The following RETREG1 variants were observed in gnomAD, a reference collection of about 807,000 sequenced individuals.
RETREG1 encodes reticulophagy regulator 1, also known as family with sequence similarity 134 member B.
A neutral mutation model predicts 54.8 loss-of-function variants in RETREG1; 44 were observed. That is an observed-to-expected ratio of 0.80 (90% CI 0.63 to 1.03). RETREG1 has a LOEUF of 1.03. RETREG1 is among the 50% of genes least tolerant of loss of function. The pLI, the probability that RETREG1 is intolerant of heterozygous loss-of-function variation, is 0.00. For synonymous variants in RETREG1, 217 were observed against 238.5 expected (o/e 0.91, Z 0.83); for missense variants, 554 against 605.1 (o/e 0.92, Z 0.89).
chr5:16,532,864 A>C (rs7730689), intron 3 of RETREG1, among the ~76,000 whole-genome samples: 34,741 of 152,170 alleles, frequency 0.23, 4,212 homozygotes, highest in East Asian at 0.4. Flanking sequence ...CCCACAGATA[A>C]ATTGCAAATC....
In RETREG1 at chr5:16,616,651, C is replaced by T. The variant is rs2126387377; in HGVS notation, c.320+1G>A. On this transcript the variant is annotated splice_donor_variant, in intron 1 of 8. Transcript: ENST00000306320. LOFTEE classifies it high-confidence loss of function. The stretch of plus-strand genomic sequence containing the variant: ...CGCCCCCACCTTGCCCAAGCTCTCA[C>T]CAGAACAGCAGGTTGGCAGCGACGA... 6.3e-7 allele frequency: 1 copy of T among 1,593,100 alleles called. No homozygotes were observed. The highest frequency in any genetic ancestry group is 1.3e-5 in the African/African-American group (1 of 74,802).
intron 3 of RETREG1, among the ~76,000 whole-genome samples, chr5:16,509,812 C>T (rs1435439830): frequency 1.3e-5 from 2 of 152,166 alleles, no homozygotes; most frequent in Middle Eastern, 6.8e-3. Flanking sequence ...GCCTGGGCAA[C>T]ACAATGAGAC....
At chr5:16,523,928 G>A (rs1385953038) in intron 3 of RETREG1, among the ~76,000 whole-genome samples, 1 of 152,006 alleles carries the variant, frequency 6.6e-6, no homozygotes, top group African/African-American at 2.4e-5. Flanking sequence ...TCCCCTTTCT[G>A]TTGATTCCTC....
At chr5:16,601,290 C>G (rs1225927787) in intron 1 of RETREG1, among the ~76,000 whole-genome samples, 1 of 97,732 alleles carries the variant, frequency 1.0e-5, no homozygotes, top group Non-Finnish European at 2.4e-5. Flanking sequence ...ATCGCTTAAG[C>G]TATGATCTCA....
chr5:16,523,561 A>G (rs1275677198), intron 3 of RETREG1, among the ~76,000 whole-genome samples: 1 of 152,076 alleles, frequency 6.6e-6, no homozygotes, highest in African/African-American at 2.4e-5. Context: ...GGTGTCGTTA[A>G]CTTGATCACT....
chr5:16,539,427 G>A (rs1269447348), intron 3 of RETREG1, among the ~76,000 whole-genome samples: 4 of 152,262 alleles, frequency 2.6e-5, no homozygotes, highest in South Asian at 2.1e-4. Context: ...CCAGAGGGAC[G>A]TGTGCCCTCT....
intron 1 of RETREG1, among the ~76,000 whole-genome samples, chr5:16,598,991 G>A (rs976261833): frequency 1.3e-5 from 2 of 152,154 alleles, no homozygotes; most frequent in Admixed American, 6.5e-5. Flanking sequence ...ATGTTACCCA[G>A]GCTGGCTCAA....
Position 16,585,909 on chromosome 5 carries a change from G to A in RETREG1, c.321-13807C>T, listed in dbSNP as rs999208762. Among the ~76,000 whole-genome samples the A allele has an allele frequency of 1.3e-5, 2 of 151,982 alleles. No individual in the cohort carries two copies. The highest frequency in any genetic ancestry group is 2.9e-5 in the Non-Finnish European group (2 of 67,976). Reference sequence around the variant, plus strand: ...TATCTTGAGAACAGCACCAAGCTATGAGAGATCCACCCCCATCACCCAAAC... The same window carrying A: ...TATCTTGAGAACAGCACCAAGCTATAAGAGATCCACCCCCATCACCCAAAC... On this transcript the variant is annotated intron_variant, in intron 1 of 8. Coordinates refer to ENST00000306320, the MANE Select transcript of RETREG1 (RefSeq NM_001034850.3). This position sits in a 1 kb window ranked among gnomAD's most constrained non-coding sequence, Gnocchi z 4.5.
chr5:16,580,318 A>G (rs1431571804), intron 1 of RETREG1, among the ~76,000 whole-genome samples: 2 of 152,200 alleles, frequency 1.3e-5, no homozygotes, highest in African/African-American at 4.8e-5. Context: ...GTCTGCCACT[A>G]TGTGCTTGCC....
In RETREG1 at chr5:16,479,107, T is replaced by A. The variant is rs1314618868; in HGVS notation, c.671-120A>T. On this transcript the variant is annotated intron_variant, in intron 5 of 8. Transcript: ENST00000306320. ...AAAACTTAAGTTTTTTTAAGGGAAA[T>A]GCCATTGTGAAATAAGTTTATAATT... 4.2e-6 allele frequency: 4 copies of A among 954,878 alleles called. No individual in the cohort carries two copies. The African/African-American group carries it at 6.7e-5, about 16-fold the overall frequency. 59.2% of individuals were successfully genotyped at this position (954,878 alleles called of 1,614,324 possible).
Position 16,597,649 on chromosome 5 carries a change from C to T in RETREG1, c.320+19003G>A, listed in dbSNP as rs1742940976. On this transcript the variant is annotated intron_variant, in intron 1 of 8. Transcript: ENST00000306320. The surrounding 1 kb of genome is among the most constrained non-coding windows in gnomAD (Gnocchi z 4.3). The stretch of plus-strand genomic sequence containing the variant: ...GGTCCTCCCCCACCCACAAGAGTGA[C>T]CCCACCAGTGGCTTCCTATAGAAAA... Among the ~76,000 whole-genome samples the T allele has an allele frequency of 1.3e-5, 2 of 152,130 alleles. No homozygotes were observed. The highest frequency in any genetic ancestry group is 2.4e-5 in the African/African-American group (1 of 41,434).
chr5:16,501,081 G>A (rs1199988322), intron 3 of RETREG1, among the ~76,000 whole-genome samples: 1 of 152,104 alleles, frequency 6.6e-6, no homozygotes, highest in Middle Eastern at 3.2e-3. Context: ...TATTGCTTAA[G>A]GAAATGTATA....
At chr5:16,489,611 A>G (rs1447763861) in intron 3 of RETREG1, among the ~76,000 whole-genome samples, 2 of 152,204 alleles carry the variant, frequency 1.3e-5, no homozygotes, top group African/African-American at 4.8e-5. Context: ...TTATCATTTA[A>G]CTTCTGTTCG....
intron 3 of RETREG1, among the ~76,000 whole-genome samples, chr5:16,562,106 G>A (rs961063747): frequency 4.6e-5 from 7 of 152,060 alleles, no homozygotes; most frequent in Non-Finnish European, 1.0e-4. Context: ...ACCTGAGGTC[G>A]GGAGTTCGAG....
intron 3 of RETREG1, among the ~76,000 whole-genome samples, chr5:16,488,914 C>T (rs1216758749): frequency 2.6e-5 from 4 of 151,932 alleles, no homozygotes; most frequent in East Asian, 3.9e-4. Context: ...GAAACCCCAT[C>T]GCTACTAAAA....
chr5:16,493,054 C>A (rs1739313008), intron 3 of RETREG1, among the ~76,000 whole-genome samples: 1 of 152,170 alleles, frequency 6.6e-6, no homozygotes, highest in African/African-American at 2.4e-5. Context: ...GCCCCATCTT[C>A]CTCAGAGCAA....
chr5:16,586,481 G>A (rs1012346992), intron 1 of RETREG1, among the ~76,000 whole-genome samples: 6 of 151,872 alleles, frequency 4.0e-5, no homozygotes, highest in African/African-American at 1.2e-4. Flanking sequence ...TTTTTACTTC[G>A]ACTGGTCACA....
chr5:16,542,907 A>T (rs2126608391), intron 3 of RETREG1, among the ~76,000 whole-genome samples: 1 of 152,346 alleles, frequency 6.6e-6, no homozygotes, highest in East Asian at 1.9e-4. Flanking sequence ...AGAGCTATAC[A>T]GCCATGAATC....
intron 1 of RETREG1, among the ~76,000 whole-genome samples, chr5:16,612,173 A>C (rs1339385959): frequency 6.6e-6 from 1 of 152,116 alleles, no homozygotes; most frequent in Non-Finnish European, 1.5e-5. Context: ...ATCAGTCCCC[A>C]GGGGTGGGTG....
Sources: allele counts gnomAD v4.1 joint callset (sites outside exome capture counted in the v4.1 genomes callset), GRCh38; gene constraint gnomAD v4.1.1; non-coding constraint Gnocchi (gnomAD v3.1); transcripts MANE v1.5; gene names NCBI Gene and HGNC (gene_info 2026-07-23, HGNC 2026-07-21).